The following TEK variants were observed in gnomAD, a reference collection of about 807,000 sequenced individuals.
The protein encoded by TEK is angiopoietin-1 receptor.
In TEK, 43 loss-of-function variants were observed where a neutral mutation model predicts 131.8. The ratio of observed to expected loss-of-function variants is 0.33; its 90% CI spans 0.26 to 0.42. TEK has a LOEUF of 0.42. TEK is among the 10% of genes least tolerant of loss of function. The pLI is 1.00. For synonymous variants in TEK, 580 were observed against 491.6 expected, an observed-to-expected ratio of 1.18 and a Z score of -2.38; for missense variants, 1,162 against 1,384.4, an observed-to-expected ratio of 0.84 and a Z score of 2.55.
chr9:27,164,219 TGTA>T (rs908556633), intron 2 of TEK, among the ~76,000 whole-genome samples: 6 of 152,174 alleles, frequency 3.9e-5, no homozygotes, highest in African/African-American at 1.4e-4. Flanking sequence ...TTAGGATAAT[TGTA>T]GTACCTATCT....
intron 6 of TEK, among the ~76,000 whole-genome samples, chr9:27,176,989 T>G (rs556850244): frequency 2.3e-4 from 35 of 152,334 alleles, no homozygotes; most frequent in African/African-American, 6.3e-4. Flanking sequence ...GCCCTCCAGG[T>G]TCATCCGTGT....
intron 3 of TEK, among the ~76,000 whole-genome samples, chr9:27,169,157 G>A (rs1046779578): frequency 6.6e-6 from 1 of 152,148 alleles, no homozygotes; most frequent in Admixed American, 6.5e-5. Context: ...AGTTGACAGG[G>A]TTACCTATCA....
At chr9:27,136,082 G>GTTTTTT (rs1335849233) in intron 1 of TEK, among the ~76,000 whole-genome samples, 2 of 99,196 alleles carry the variant, frequency 2.0e-5, no homozygotes, top group Non-Finnish European at 4.5e-5. Flanking sequence ...TCCCAGGGCA[G>GTTTTTT]TTATTTTTTT....
intron 1 of TEK, among the ~76,000 whole-genome samples, chr9:27,111,586 T>A (rs1343543097): frequency 2.0e-5 from 3 of 151,442 alleles, no homozygotes; most frequent in Non-Finnish European, 4.4e-5. Context: ...GATGACAGAG[T>A]TGTTTACCCA....
At chr9:27,151,021 T>C (rs1003076556) in intron 1 of TEK, among the ~76,000 whole-genome samples, 14 of 151,956 alleles carry the variant, frequency 9.2e-5, no homozygotes, top group African/African-American at 3.4e-4. Context: ...TGTTAGAGAG[T>C]CACAGCCCAG....
intron 1 of TEK, among the ~76,000 whole-genome samples, chr9:27,136,580 C>T (rs1325700336): frequency 6.6e-6 from 1 of 152,112 alleles, no homozygotes; most frequent in Non-Finnish European, 1.5e-5. Flanking sequence ...GACATACAGC[C>T]ACAATCATAA....
chr9:27,111,047 A>G (rs2131020940), intron 1 of TEK, among the ~76,000 whole-genome samples: 1 of 152,334 alleles, frequency 6.6e-6, no homozygotes, highest in South Asian at 2.1e-4. Flanking sequence ...GTTAATACAC[A>G]CACAACTGTT....
In TEK at chr9:27,230,101, T is replaced by TA. The variant is rs1723332657; in HGVS notation, c.*870dup. 1 of 152,244 alleles carries TA rather than the reference T, an allele frequency of 6.6e-6. No homozygotes were observed. Among genetic ancestry groups the TA allele is most frequent in the Non-Finnish European group, 1.5e-5 (1 of 68,044 alleles). 9.4% of individuals were successfully genotyped at this position (152,244 alleles called of 1,614,324 possible). ...TTTTAGTTTTGATGAGTTGTGAGTT[T>TA]ACCTTGTATACTGTAGGCACACTTT... On this transcript the variant is annotated 3_prime_UTR_variant, in exon 23 of 23. Coordinates refer to ENST00000380036, the MANE Select transcript of TEK (RefSeq NM_000459.5).
intron 1 of TEK, among the ~76,000 whole-genome samples, chr9:27,150,022 C>T (rs936061681): frequency 1.3e-5 from 2 of 152,168 alleles, no homozygotes; most frequent in African/African-American, 4.8e-5. Context: ...TCTAGATATT[C>T]TCAATTTCTC....
chr9:27,171,148 G>C (rs1587547165), intron 4 of TEK, among the ~76,000 whole-genome samples: 1 of 152,086 alleles, frequency 6.6e-6, no homozygotes, highest in East Asian at 1.9e-4. Context: ...ATTGAAGTGG[G>C]GGCATAAATA....
chr9:27,216,912 T>C (rs898971807), intron 18 of TEK, among the ~76,000 whole-genome samples: 4 of 152,150 alleles, frequency 2.6e-5, no homozygotes, highest in African/African-American at 7.2e-5. Flanking sequence ...AACCCTATGA[T>C]TCTTGAATGA....
intron 14 of TEK, 118 bp downstream of exon 14, chr9:27,205,183 C>G: frequency 7.8e-7 from 1 of 1,283,406 alleles, no homozygotes; most frequent in Non-Finnish European, 1.1e-6. Context: ...CTTAGGCAAG[C>G]CTCATCTTCT....
intron 18 of TEK, among the ~76,000 whole-genome samples, chr9:27,214,287 CCT>C (rs1427555460): frequency 6.6e-6 from 1 of 152,204 alleles, no homozygotes; most frequent in Non-Finnish European, 1.5e-5. Context: ...ATGTCACCAT[CCT>C]CTCTTTTCCT....
intron 1 of TEK, among the ~76,000 whole-genome samples, chr9:27,142,539 A>G (rs1459311923): frequency 2.6e-5 from 4 of 152,230 alleles, no homozygotes; most frequent in Non-Finnish European, 4.4e-5. Context: ...CCACTTGCTG[A>G]GTTTTGGCAA....
At chr9:27,221,878 G>A (rs774415695) in intron 21 of TEK, among the ~76,000 whole-genome samples, 18 of 152,116 alleles carry the variant, frequency 1.2e-4, no homozygotes, top group Non-Finnish European at 2.1e-4. Context: ...GAACAAAATT[G>A]GACGAATGAG....
intron 1 of TEK, among the ~76,000 whole-genome samples, chr9:27,137,942 C>G (rs924084472): frequency 6.6e-6 from 1 of 152,116 alleles, no homozygotes; most frequent in African/African-American, 2.4e-5. Context: ...GAGTTTGTTC[C>G]TTCAGATGTG....
At chr9:27,227,703 C>G (rs890821377) in intron 21 of TEK, among the ~76,000 whole-genome samples, 3 of 152,182 alleles carry the variant, frequency 2.0e-5, no homozygotes, top group African/African-American at 7.2e-5. Context: ...CCCAAAGGAC[C>G]TACCTTCAAA....
In TEK at chr9:27,185,576, G is replaced by T; in HGVS notation, c.1274G>T (p.Ser425Ile). 1 of 1,613,878 alleles carries T rather than the reference G, an allele frequency of 6.2e-7. No individual in the cohort carries two copies. The highest frequency in any genetic ancestry group is 8.5e-7 in the Non-Finnish European group (1 of 1,179,820). ...LPPDSGVWVC[S>I]VNTVAGMVEK... is the part of the protein sequence containing the mutation. The stretch of plus-strand genomic sequence containing the variant: ...CCTGACTCAGGAGTTTGGGTCTGCA[G>T]TGTGAACACAGTGGCTGGGATGGTG... Residue 425 changes from serine to isoleucine, a missense_variant, in exon 9 of 23, where the codon AGT (serine) becomes ATT (isoleucine). Transcript: ENST00000380036.
At chr9:27,153,258 C>T (rs998802304) in intron 1 of TEK, among the ~76,000 whole-genome samples, 1 of 151,928 alleles carries the variant, frequency 6.6e-6, no homozygotes, top group African/African-American at 2.4e-5. Flanking sequence ...ACCAGCCTGG[C>T]CAACATGGTG....
Sources: gnomAD v4.1 joint callset for allele counts (sites outside exome capture counted in the v4.1 genomes callset) on GRCh38, gnomAD v4.1.1 for gene constraint, MANE v1.5 for transcripts, NCBI Gene and HGNC (gene_info 2026-07-23, HGNC 2026-07-21) for gene names.